The following LGALS1 variants were observed in gnomAD, a reference collection of about 807,000 sequenced individuals.
LGALS1 encodes galectin-1.
A neutral mutation model predicts 14.4 loss-of-function variants in LGALS1; 14 were observed. The observed-to-expected ratio is 0.97, with a 90% CI of 0.64 to 1.52. The LOEUF (loss-of-function observed/expected upper bound fraction) is 1.52, where lower values mean the gene tolerates loss of function less well. Among genes scored for constraint, LGALS1 ranks in the 40% most tolerant of loss-of-function variants. LGALS1 has a pLI of 0.00. For synonymous variants in LGALS1, 71 were observed against 73.4 expected, an observed-to-expected ratio of 0.97 and a Z score of 0.17; for missense variants, 170 against 181.4, an observed-to-expected ratio of 0.94 and a Z score of 0.36.
At chr22:37,677,152 C>A (rs1424422463) in intron 2 of LGALS1, 87 bp downstream of exon 2, 8 of 1,321,606 alleles carry the variant, frequency 6.1e-6, no homozygotes, top group Non-Finnish European at 8.5e-6. Context: ...CATCTCCTCC[C>A]TGGCCGGGAG....
Position 37,679,691 on chromosome 22 carries a change from C to G in LGALS1, c.350C>G (p.Ala117Gly), listed in dbSNP as rs372067495. The change falls in exon 4 of 4, where the codon GCC (alanine) becomes GGC (glycine). Residue 117 changes from alanine to glycine, a missense_variant. Coordinates refer to ENST00000215909, the MANE Select transcript of LGALS1 (RefSeq NM_002305.4). ...FKFPNRLNLEAINYMAADGDF... is the reference protein window; with the variant it reads ...FKFPNRLNLEGINYMAADGDF... The stretch of plus-strand genomic sequence containing the variant: ...TTCCCCAACCGCCTCAACCTGGAGG[C>G]CATCAACTACATGGCAGCTGACGGT... The G allele has an allele frequency of 2.6e-5, 42 of 1,610,910 alleles. No individual in the cohort carries two copies. The highest frequency in any genetic ancestry group is 3.4e-5 in the Non-Finnish European group (40 of 1,178,926).
At chr22:37,676,271 G>GC (rs1225388756) in intron 1 of LGALS1, 1 of 152,868 alleles carries the variant, frequency 6.5e-6, no homozygotes, top group African/African-American at 2.4e-5. Flanking sequence ...AAGCTGGGAG[G>GC]TTGGGGTGGC....
chr22:37,677,497 G>A (rs1360698244), intron 2 of LGALS1: 2 of 184,150 alleles, frequency 1.1e-5, no homozygotes, highest in Admixed American at 1.2e-4. Context: ...CATTCACTCA[G>A]ACGGCTGCCT....
At chr22:37,678,287 C>T in intron 2 of LGALS1, 196 bp from the exon 3 acceptor site, 1 of 714,766 alleles carries the variant, frequency 1.4e-6, no homozygotes, top group South Asian at 1.5e-5. Context: ...CCTGTGCAGC[C>T]CCCATTGTAC....
At chr22:37,677,296 A>G in intron 2 of LGALS1, 1 of 554,290 alleles carries the variant, frequency 1.8e-6, no homozygotes, top group South Asian at 2.0e-5. Context: ...AACCAGCTGC[A>G]GCCTCGTCAT....
Position 37,678,517 on chromosome 22 carries a change from C to G in LGALS1, c.124C>G (p.Leu42Val). ...VLNLGKDSNN[L>V]CLHFNPRFNA... ...GAACCTGGGCAAAGACAGCAACAAC[C>G]TGTGCCTGCACTTCAACCCTCGCTT... Residue 42 changes from leucine to valine, a missense_variant, in exon 3 of 4, where the codon CTG becomes GTG. Leu to Val is a conservative substitution (Grantham distance 32, BLOSUM62 1). Transcript: ENST00000215909. The G allele has an allele frequency of 6.2e-7, 1 of 1,613,660 alleles. No homozygotes were observed. The highest frequency in any genetic ancestry group is 8.5e-7 in the Non-Finnish European group (1 of 1,180,044).
At chr22:37,677,483 T>G in intron 2 of LGALS1, 1 of 194,798 alleles carries the variant, frequency 5.1e-6, no homozygotes, top group Admixed American at 5.7e-5. Context: ...CTTCCTTCAC[T>G]TCTCATTCAC....
rs185799900 is a variant in LGALS1, at chr22:37,677,347, C to G, written c.89+282C>G. ...TCCCCCGCCCCCACCCCTTTCCGGT[C>G]TGGGCGGGACCTGTCGCTGGGGAGG... is the stretch of plus-strand genomic sequence containing the variant. On this transcript the variant is annotated intron_variant, in intron 2 of 3. Transcript: ENST00000215909. 4.6e-3 allele frequency: 2,011 copies of G among 437,964 alleles called. 7 individuals are homozygous for G. The highest frequency in any genetic ancestry group is 6.9e-3 in the Non-Finnish European group (1,645 of 237,070). 27.1% of individuals were successfully genotyped at this position (437,964 alleles called of 1,614,324 possible).
intron 3 of LGALS1, among the ~76,000 whole-genome samples, chr22:37,679,292 G>A (rs918831805): frequency 9.3e-5 from 14 of 151,212 alleles, no homozygotes; most frequent in African/African-American, 2.9e-4. Flanking sequence ...TTAGCTGGGC[G>A]TGGTGGCACA....
intron 1 of LGALS1, 44 bp from the exon 2 acceptor site, chr22:37,676,942 G>C: frequency 6.2e-7 from 1 of 1,607,120 alleles, no homozygotes; most frequent in Non-Finnish European, 8.5e-7. Context: ...GAGCAGTGGA[G>C]GCCTTGTCCT....
Position 37,679,664 on chromosome 22 carries a change from A to G in LGALS1, c.323A>G (p.Lys108Arg). ...AAGCTGCCAGATGGATACGAATTCA[A>G]GTTCCCCAACCGCCTCAACCTGGAG... Reference protein sequence around the residue: ...TVKLPDGYEFKFPNRLNLEAI... With the variant: ...TVKLPDGYEFRFPNRLNLEAI... The change falls in exon 4 of 4, where the codon AAG becomes AGG. Residue 108 changes from lysine (K) to arginine (R), a missense_variant. Coordinates refer to ENST00000215909, the MANE Select transcript of LGALS1 (RefSeq NM_002305.4). The G allele has an allele frequency of 1.9e-6, 3 of 1,610,814 alleles. No individual in the cohort carries two copies. Among genetic ancestry groups the G allele is most frequent in the Non-Finnish European group, 2.5e-6 (3 of 1,178,934 alleles).
chr22:37,675,655 T>C lies in LGALS1; in HGVS notation c.-48T>C. 6.5e-7 allele frequency: 1 copy of C among 1,547,448 alleles called. No individual in the cohort carries two copies. Among genetic ancestry groups the C allele is most frequent in the Non-Finnish European group, 8.7e-7 (1 of 1,145,944 alleles). ...GGGCCCATCTCTCTCGGGTGGAGTCTTCTGACAGCTGGTGCGCCTGCCCGG... is the reference window on the plus strand; with the variant it reads ...GGGCCCATCTCTCTCGGGTGGAGTCCTCTGACAGCTGGTGCGCCTGCCCGG... On this transcript the variant is annotated 5_prime_UTR_variant, in exon 1 of 4. Coordinates refer to ENST00000215909, the MANE Select transcript of LGALS1 (RefSeq NM_002305.4).
At position 37,678,629 on chromosome 22, in the gene LGALS1, C is replaced by T. The variant is rs751280687; in HGVS notation, c.236C>T (p.Pro79Leu). The change falls in exon 3 of 4, where the codon CCC becomes CTC. Residue 79 changes from proline (P) to leucine (L), a missense_variant. By Grantham distance (98) the Pro-to-Leu change is moderately conservative. Coordinates refer to ENST00000215909, the MANE Select transcript of LGALS1 (RefSeq NM_002305.4). The stretch of plus-strand genomic sequence containing the variant: ...ACCGAGCAGCGGGAGGCTGTCTTTC[C>T]CTTCCAGCCTGGAAGTGTTGCAGAG... ...WGTEQREAVF[P>L]FQPGSVAEVC... 2 of 1,607,006 alleles carry T rather than the reference C, an allele frequency of 1.2e-6. No homozygotes were observed. Among genetic ancestry groups the T allele is most frequent in the Non-Finnish European group, 1.7e-6 (2 of 1,176,906 alleles).
intron 2 of LGALS1, 134 bp downstream of exon 2, chr22:37,677,199 G>C (rs1921461312): frequency 1.6e-5 from 14 of 851,380 alleles, no homozygotes; most frequent in Non-Finnish European, 2.4e-5. Context: ...GCGTTTTCTG[G>C]GTGACTCACT....
Position 37,678,649 on chromosome 22 carries a change from G to A in LGALS1, c.256G>A (p.Ala86Thr). 1 of 1,539,186 alleles carries A rather than the reference G, an allele frequency of 6.5e-7. No individual in the cohort carries two copies. The highest frequency in any genetic ancestry group is 8.8e-7 in the Non-Finnish European group (1 of 1,135,582). Residue 86 changes from alanine (A) to threonine (T), a missense_variant, in exon 3 of 4, where the codon GCA (alanine) becomes ACA (threonine). Coordinates refer to ENST00000215909, the MANE Select transcript of LGALS1 (RefSeq NM_002305.4). ...AVFPFQPGSV[A>T]EVCITFDQAN... ...CTTTCCCTTCCAGCCTGGAAGTGTT[G>A]CAGAGGTGGGCTGCAGACCGGAACC...
In LGALS1 at chr22:37,677,021, AGAGTGCCTTC is replaced by A; in HGVS notation, c.52_61del (p.Leu18GlufsTer13). On this transcript the variant is annotated frameshift_variant, in exon 2 of 4. Coordinates refer to ENST00000215909, the MANE Select transcript of LGALS1 (RefSeq NM_002305.4). LOFTEE classifies it high-confidence loss of function. ...CCAGCAACCTGAATCTCAAACCTGG[AGAGTGCCTTC>A]GAGTGCGAGGCGAGGTGGCTCCTGA... is the stretch of plus-strand genomic sequence containing the variant. The A allele has an allele frequency of 6.2e-7, 1 of 1,613,982 alleles. No homozygotes were observed. The highest frequency in any genetic ancestry group is 8.5e-7 in the Non-Finnish European group (1 of 1,179,984).
rs1921563792 is a variant in LGALS1 at position 37,679,604 on chromosome 22, T to C, written c.263T>C (p.Val88Ala). The change falls in exon 4 of 4, where the codon GTG (valine) becomes GCG (alanine). Residue 88 changes from valine (V) to alanine (A), a missense_variant and splice_region_variant. Val to Ala is a moderately conservative substitution (Grantham distance 64). Coordinates refer to ENST00000215909, the MANE Select transcript of LGALS1 (RefSeq NM_002305.4). Reference protein sequence around the residue: ...FPFQPGSVAEVCITFDQANLT... With the variant: ...FPFQPGSVAEACITFDQANLT... ...CTCACTGCTCTCCTCTACCCCCAGG[T>C]GTGCATCACCTTCGACCAGGCCAAC... 1.2e-6 allele frequency: 2 copies of C among 1,602,850 alleles called. No homozygotes were observed. Among genetic ancestry groups the C allele is most frequent in the Non-Finnish European group, 1.7e-6 (2 of 1,175,684 alleles).
intron 3 of LGALS1, 48 bp from the exon 4 acceptor site, chr22:37,679,555 A>G (rs767339448): frequency 2.0e-6 from 3 of 1,487,354 alleles, no homozygotes; most frequent in East Asian, 5.1e-5. Flanking sequence ...GGGTTCTGGA[A>G]GGGCCCATGG....
Position 37,675,682 on chromosome 22 carries a change from A to G in LGALS1, c.-21A>G. ...CTGACAGCTGGTGCGCCTGCCCGGG[A>G]ACATCCTCCTGGACTCAATCATGGC... is the stretch of plus-strand genomic sequence containing the variant. On this transcript the variant is annotated 5_prime_UTR_variant, in exon 1 of 4. Coordinates refer to ENST00000215909, the MANE Select transcript of LGALS1 (RefSeq NM_002305.4). The G allele has an allele frequency of 6.5e-7, 1 of 1,549,462 alleles. No individual in the cohort carries two copies.
Sources: gnomAD v4.1 joint callset for allele counts (sites outside exome capture counted in the v4.1 genomes callset) on GRCh38, gnomAD v4.1.1 for gene constraint, MANE v1.5 for transcripts, NCBI Gene and HGNC (gene_info 2026-07-23, HGNC 2026-07-21) for gene names.